RSPO2: variants seen among roughly 807,000 people sequenced by gnomAD.
RSPO2 encodes R-spondin 2.
RSPO2 carries 14 observed loss-of-function variants against 30.9 expected under a neutral mutation model. That is an observed-to-expected ratio of 0.45 (90% CI 0.30 to 0.71). The LOEUF (loss-of-function observed/expected upper bound fraction) is 0.71, where lower values mean the gene tolerates loss of function less well. Among genes scored for constraint, RSPO2 ranks in the 30% least tolerant of loss-of-function variants. The pLI is 0.08. For synonymous variants in RSPO2, 107 were observed against 96.4 expected (o/e 1.11, Z -0.64); for missense variants, 264 against 301.9 (o/e 0.87, Z 0.93).
At chr8:108,025,127 A>C (rs1297478727) in intron 2 of RSPO2, among the ~76,000 whole-genome samples, 3 of 152,212 alleles carry the variant, frequency 2.0e-5, no homozygotes, top group South Asian at 4.1e-4. Context: ...ACAAGCAAAC[A>C]TACATATATA....
chr8:107,990,034 T>C lies in RSPO2; in HGVS notation c.95-790A>G, dbSNP rs547526003. ...GAAATAAGGACATTCTAAAGGAGTC[T>C]TTAAAATGAATATCTACAGAATATC... On this transcript the variant is annotated intron_variant, in intron 2 of 5. Transcript: ENST00000276659. Among the ~76,000 whole-genome samples the C allele has an allele frequency of 9.5e-4, 145 of 152,226 alleles. No individual in the cohort carries two copies. The Middle Eastern group carries it at 0.014, about 14-fold the overall frequency.
chr8:107,921,407 G>A (rs1262119487), intron 5 of RSPO2, among the ~76,000 whole-genome samples: 1 of 151,968 alleles, frequency 6.6e-6, no homozygotes, highest in Non-Finnish European at 1.5e-5. Context: ...GTCTAGATTT[G>A]TGTCACATCA....
chr8:107,985,694 T>G (rs1273282412), intron 3 of RSPO2, among the ~76,000 whole-genome samples: 1 of 152,162 alleles, frequency 6.6e-6, no homozygotes, highest in Admixed American at 6.5e-5. Context: ...TTAGAACAAT[T>G]TAAAGAATAA....
At chr8:108,027,325 T>C (rs1248853935) in intron 2 of RSPO2, among the ~76,000 whole-genome samples, 1 of 152,224 alleles carries the variant, frequency 6.6e-6, no homozygotes, top group Non-Finnish European at 1.5e-5. Context: ...ATGCTTAAAC[T>C]GAATACATCT....
chr8:107,983,188 G>C (rs1563549966), intron 3 of RSPO2: 5 of 1,557,778 alleles, frequency 3.2e-6, no homozygotes, highest in Non-Finnish European at 4.4e-6. Flanking sequence ...ATTAGCTGTA[G>C]GCAAATACGA....
At position 107,989,074 on chromosome 8, in the gene RSPO2, C is replaced by G. The variant is rs1157466005; in HGVS notation, c.265G>C (p.Asp89His). The G allele has an allele frequency of 1.9e-6, 3 of 1,607,924 alleles. No individual in the cohort carries two copies. The African/African-American group carries it at 4.0e-5, about 22-fold the overall frequency. Residue 89 changes from aspartate to histidine, a missense_variant, in exon 3 of 6, where the codon GAT becomes CAT. Physicochemically the swap from Asp to His is moderately conservative, Grantham distance 81 (BLOSUM62 -1). Coordinates refer to ENST00000276659, the MANE Select transcript of RSPO2 (RefSeq NM_178565.5). ...PSGYYGHRAP[D>H]MNRCARCRIE... ...TGCTCACTTGCACATCTGTTCATAT[C>G]TGGGGCTCGGTGTCCATAGTACCCG...
intron 2 of RSPO2, among the ~76,000 whole-genome samples, chr8:108,056,730 G>C (rs541054813): frequency 2.0e-5 from 3 of 151,458 alleles, no homozygotes; most frequent in South Asian, 2.1e-4. Context: ...GTATTAACTG[G>C]TATTTCTAGT....
chr8:107,946,751 A>G (rs1813072683), intron 5 of RSPO2, among the ~76,000 whole-genome samples: 1 of 152,362 alleles, frequency 6.6e-6, no homozygotes, highest in East Asian at 1.9e-4. Flanking sequence ...CATGTCATAC[A>G]TGACTAAGCT....
chr8:108,015,480 G>T (rs1240591288), intron 2 of RSPO2, among the ~76,000 whole-genome samples: 1 of 152,106 alleles, frequency 6.6e-6, no homozygotes, highest in African/African-American at 2.4e-5. Flanking sequence ...CAGTAGTCGG[G>T]TTCCTCTGAG....
intron 5 of RSPO2, among the ~76,000 whole-genome samples, chr8:107,915,608 G>C (rs1236254521): frequency 2.0e-5 from 3 of 152,086 alleles, no homozygotes; most frequent in African/African-American, 7.2e-5. Context: ...GTGTGTGTGT[G>C]TGTGTATATG....
intron 2 of RSPO2, 145 bp from the exon 3 acceptor site, chr8:107,989,389 T>C: frequency 1.8e-6 from 1 of 567,148 alleles, no homozygotes; most frequent in Non-Finnish European, 2.9e-6. Context: ...CCTTCTTCCC[T>C]CTACCTCCTC....
chr8:108,007,225 A>G (rs958237409), intron 2 of RSPO2, among the ~76,000 whole-genome samples: 1 of 151,900 alleles, frequency 6.6e-6, no homozygotes, highest in African/African-American at 2.4e-5. Flanking sequence ...AGATTTTTAG[A>G]CTCCAGGCTA....
At chr8:107,919,446 A>T (rs1041881702) in intron 5 of RSPO2, among the ~76,000 whole-genome samples, 1 of 152,166 alleles carries the variant, frequency 6.6e-6, no homozygotes, top group African/African-American at 2.4e-5. Context: ...ACTGGGGACT[A>T]GACTGCCTTT....
intron 3 of RSPO2, among the ~76,000 whole-genome samples, chr8:107,974,046 C>T (rs1814116667): frequency 6.6e-6 from 1 of 151,030 alleles, no homozygotes; most frequent in South Asian, 2.1e-4. Context: ...CTCAAACAAA[C>T]ATGCATTGAA....
intron 2 of RSPO2, among the ~76,000 whole-genome samples, chr8:108,047,872 C>T (rs1811953804): frequency 6.7e-6 from 1 of 148,178 alleles, no homozygotes; most frequent in South Asian, 2.1e-4. Flanking sequence ...AAAAAAAAAG[C>T]AGCAGCAGCA....
At chr8:107,977,372 A>T (rs1814253256) in intron 3 of RSPO2, among the ~76,000 whole-genome samples, 1 of 152,224 alleles carries the variant, frequency 6.6e-6, no homozygotes, top group African/African-American at 2.4e-5. Flanking sequence ...GATCTACTGA[A>T]TCAGAAACTC....
chr8:107,924,127 C>A (rs946438628), intron 5 of RSPO2, among the ~76,000 whole-genome samples: 22 of 151,322 alleles, frequency 1.5e-4, no homozygotes, highest in African/African-American at 5.3e-4. Flanking sequence ...TGAATGTAAC[C>A]AAGATACTTT....
intron 5 of RSPO2, among the ~76,000 whole-genome samples, chr8:107,920,407 A>G (rs534746234): frequency 1.3e-5 from 2 of 152,196 alleles, no homozygotes; most frequent in East Asian, 1.9e-4. Flanking sequence ...AGGTTTCTAT[A>G]ATGCCAACTC....
intron 2 of RSPO2, among the ~76,000 whole-genome samples, chr8:108,061,822 T>C (rs1449746240): frequency 5.3e-5 from 8 of 151,654 alleles, no homozygotes; most frequent in South Asian, 2.1e-4. Flanking sequence ...GAACAGAAAT[T>C]ATAACAAACT....
Sources: allele counts gnomAD v4.1 joint callset (sites outside exome capture counted in the v4.1 genomes callset), GRCh38; gene constraint gnomAD v4.1.1; transcripts MANE v1.5; gene names NCBI Gene and HGNC (gene_info 2026-07-23, HGNC 2026-07-21).